Variants in NBEA observed in about 807,000 individuals in gnomAD.
NBEA encodes neurobeachin, also known as lysosomal-trafficking regulator 2.
A neutral mutation model predicts 343.4 loss-of-function variants in NBEA; 44 were observed. The observed-to-expected ratio is 0.13, with a 90% CI of 0.10 to 0.16. The LOEUF (loss-of-function observed/expected upper bound fraction) is 0.16, where lower values mean the gene tolerates loss of function less well. NBEA is among the 10% of genes least tolerant of loss of function. The probability of loss-of-function intolerance (pLI) is 1.00; values close to 1 mark genes in which losing one functional copy is unlikely to be tolerated. For synonymous variants in NBEA, 1,175 were observed against 1,238.7 expected, an observed-to-expected ratio of 0.95 and a Z score of 1.08; for missense variants, 2,555 against 3,631.3, an observed-to-expected ratio of 0.70 and a Z score of 7.62.
At chr13:35,191,335 C>G (rs775091954) in intron 30 of NBEA, among the ~76,000 whole-genome samples, 3 of 151,920 alleles carry the variant, frequency 2.0e-5, no homozygotes, top group Non-Finnish European at 2.9e-5. Flanking sequence ...CAAGAGAGAC[C>G]CACATGTTGA....
intron 34 of NBEA, among the ~76,000 whole-genome samples, chr13:35,246,974 A>G (rs559773768): frequency 1.2e-4 from 19 of 152,036 alleles, no homozygotes; most frequent in African/African-American, 3.6e-4. Context: ...TATGGCTGCA[A>G]TGGGGGTGTG....
At chr13:35,413,930 A>G (rs1231362035) in intron 38 of NBEA, among the ~76,000 whole-genome samples, 1 of 152,162 alleles carries the variant, frequency 6.6e-6, no homozygotes, top group Non-Finnish European at 1.5e-5. Flanking sequence ...GAGGTATCAT[A>G]CATGAGATAA....
At chr13:35,108,735 T>G (rs1024515604) in intron 11 of NBEA, among the ~76,000 whole-genome samples, 15 of 152,016 alleles carry the variant, frequency 9.9e-5, no homozygotes, top group African/African-American at 3.1e-4. Context: ...TAAATACCAT[T>G]GGTAATAGGT....
intron 41 of NBEA, among the ~76,000 whole-genome samples, chr13:35,521,531 C>G (rs2077713861): frequency 6.6e-6 from 1 of 152,198 alleles, no homozygotes; most frequent in East Asian, 1.9e-4. Flanking sequence ...AGCCATTTGT[C>G]TGGATGTCTC....
rs150630411 is a variant in NBEA at position 35,583,599 on chromosome 13, A to G, written c.7036-299A>G. 3.9e-4 allele frequency among the ~76,000 whole-genome samples: 60 copies of G among 152,318 alleles called. 1 individual carries two copies. The East Asian group carries it at 9.6e-3, about 24-fold the overall frequency. On this transcript the variant is annotated intron_variant, in intron 45 of 58. Transcript: ENST00000379939. ...CTTATTAAGTAGAAGGAAAATAACGAAACTGTTGGTGTGGCCTTAACAGTT... is the reference window on the plus strand; with the variant it reads ...CTTATTAAGTAGAAGGAAAATAACGGAACTGTTGGTGTGGCCTTAACAGTT...
intron 34 of NBEA, among the ~76,000 whole-genome samples, chr13:35,245,604 A>G (rs1207478230): frequency 6.6e-6 from 1 of 152,208 alleles, no homozygotes; most frequent in African/African-American, 2.4e-5. Context: ...AGGAGGCTGA[A>G]GATAGGTTTC....
intron 38 of NBEA, among the ~76,000 whole-genome samples, chr13:35,397,000 C>G (rs554989156): frequency 5.3e-4 from 81 of 152,316 alleles, no homozygotes; most frequent in South Asian, 1.0e-3. Flanking sequence ...GACTTCTACA[C>G]TATCTTGCTA....
chr13:35,367,281 G>A (rs1485637160), intron 38 of NBEA, among the ~76,000 whole-genome samples: 1 of 151,264 alleles, frequency 6.6e-6, no homozygotes, highest in African/African-American at 2.4e-5. Flanking sequence ...TTACTATGAT[G>A]TATAAGTCCG....
rs1282159136 is a variant in NBEA, at chr13:35,331,242, A to G, written c.5904-17866A>G. 2.6e-5 allele frequency among the ~76,000 whole-genome samples: 4 copies of G among 152,046 alleles called. No individual in the cohort carries two copies. In the East Asian group the frequency reaches 7.7e-4, roughly 29 times the overall value. The stretch of plus-strand genomic sequence containing the variant: ...TTTTGAGATTTTGGAGCCAGAGGAA[A>G]TTACACTGAGGTATTAAATCCCCAA... On this transcript the variant is annotated intron_variant, in intron 36 of 58. Coordinates refer to ENST00000379939, the MANE Select transcript of NBEA (RefSeq NM_001385012.1).
chr13:35,007,633 A>G (rs1450244286), intron 1 of NBEA, among the ~76,000 whole-genome samples: 1 of 152,086 alleles, frequency 6.6e-6, no homozygotes, highest in South Asian at 2.1e-4. Context: ...CTGGGACTAC[A>G]GGTGCATGCT....
In NBEA at chr13:35,550,844, G is replaced by T. The variant is rs996409536; in HGVS notation, c.6704-86G>T. 7.7e-6 allele frequency: 6 copies of T among 783,220 alleles called. No individual in the cohort carries two copies. In the Admixed American group the frequency reaches 1.6e-4, roughly 21 times the overall value. The allele number at this position is 783,220 out of a possible 1,614,324, so 48.5% of individuals were successfully genotyped here. A position where few individuals can be genotyped will look rare whatever the true frequency, so the allele number is the denominator to read the frequency against. ...TTCATTAGCTTTACAAATAAATCAT[G>T]ATAGGCACTTGAAGATGACTTGTAA... On this transcript the variant is annotated intron_variant, in intron 42 of 58. Coordinates refer to ENST00000379939, the MANE Select transcript of NBEA (RefSeq NM_001385012.1).
chr13:35,625,013 A>G (rs1271472422), intron 48 of NBEA, among the ~76,000 whole-genome samples: 1 of 150,820 alleles, frequency 6.6e-6, no homozygotes, highest in Non-Finnish European at 1.5e-5. Context: ...GGAAAAACTC[A>G]CTCACTTTAT....
chr13:34,976,898 T>G (rs1320721434), intron 1 of NBEA, among the ~76,000 whole-genome samples: 2 of 151,876 alleles, frequency 1.3e-5, no homozygotes, highest in Non-Finnish European at 2.9e-5. Context: ...GCTTTGTAGT[T>G]AAATGCTATT....
chr13:35,424,673 T>A (rs1427448495), intron 38 of NBEA, among the ~76,000 whole-genome samples: 1 of 152,210 alleles, frequency 6.6e-6, no homozygotes, highest in African/African-American at 2.4e-5. Context: ...TAAAATGAGT[T>A]AGGGAGGATT....
At chr13:35,139,598 TGTTA>T (rs2067953268) in intron 17 of NBEA, among the ~76,000 whole-genome samples, 1 of 152,028 alleles carries the variant, frequency 6.6e-6, no homozygotes, top group African/African-American at 2.4e-5. Context: ...GTAATTATGA[TGTTA>T]GTTTTTCCAG....
intron 10 of NBEA, among the ~76,000 whole-genome samples, chr13:35,079,040 A>C (rs981431626): frequency 8.5e-5 from 13 of 152,194 alleles, no homozygotes; most frequent in Non-Finnish European, 4.4e-5. Flanking sequence ...AAAACAAAAA[A>C]CAAAACCTAC....
At chr13:35,390,113 A>G (rs1349385204) in intron 38 of NBEA, among the ~76,000 whole-genome samples, 1 of 151,830 alleles carries the variant, frequency 6.6e-6, no homozygotes, top group Non-Finnish European at 1.5e-5. Context: ...ACTTATAGGC[A>G]TATTAGATGA....
At chr13:35,057,740 A>G (rs1465957971) in intron 7 of NBEA, among the ~76,000 whole-genome samples, 1 of 152,126 alleles carries the variant, frequency 6.6e-6, no homozygotes, top group Non-Finnish European at 1.5e-5. Context: ...ATGAGAAGAC[A>G]GTATCTTGGA....
chr13:35,056,590 T>G (rs1241001230), intron 7 of NBEA, among the ~76,000 whole-genome samples: 2 of 151,854 alleles, frequency 1.3e-5, no homozygotes, highest in African/African-American at 4.8e-5. Flanking sequence ...GTAGGAAGAG[T>G]TGAGCAAGCA....
Sources: allele counts gnomAD v4.1 joint callset (sites outside exome capture counted in the v4.1 genomes callset), GRCh38; gene constraint gnomAD v4.1.1; transcripts MANE v1.5; gene names NCBI Gene and HGNC (gene_info 2026-07-23, HGNC 2026-07-21).